SDAD1: variants seen among roughly 807,000 people sequenced by gnomAD.
SDAD1 encodes the protein SDA1 domain containing 1.
A neutral mutation model predicts 100.3 loss-of-function variants in SDAD1; 79 were observed. The observed-to-expected ratio is 0.79, with a 90% CI of 0.66 to 0.95. The LOEUF (loss-of-function observed/expected upper bound fraction) is 0.95, where lower values mean the gene tolerates loss of function less well. SDAD1 is among the 40% of genes least tolerant of loss of function. SDAD1 has a pLI of 0.00. For missense variants in SDAD1, 790 were observed against 810.9 expected, an observed-to-expected ratio of 0.97 and a Z score of 0.31; for synonymous variants, 267 against 271.4, an observed-to-expected ratio of 0.98 and a Z score of 0.16.
At chr4:75,974,406 A>T (rs1317090049) in intron 6 of SDAD1, among the ~76,000 whole-genome samples, 1 of 150,650 alleles carries the variant, frequency 6.6e-6, no homozygotes, top group Non-Finnish European at 1.5e-5. Context: ...CAAGTGCAAA[A>T]AAAAAAAAAA....
intron 1 of SDAD1, among the ~76,000 whole-genome samples, chr4:75,986,919 G>A (rs1459964160): frequency 1.3e-5 from 2 of 152,106 alleles, no homozygotes; most frequent in African/African-American, 4.8e-5. Flanking sequence ...CCTGGAGGCT[G>A]AGGCGGGAGG....
At chr4:75,989,883 A>C (rs61674117) in intron 1 of SDAD1, among the ~76,000 whole-genome samples, 3,236 of 152,254 alleles carry the variant, frequency 0.021, 110 homozygotes, top group African/African-American at 0.072. Flanking sequence ...GGGAGGAGGG[A>C]AGTGAGAAGG....
chr4:75,986,080 G>A (rs1421924074), intron 1 of SDAD1, among the ~76,000 whole-genome samples: 1 of 152,130 alleles, frequency 6.6e-6, no homozygotes, highest in Non-Finnish European at 1.5e-5. Context: ...GCTGAACATG[G>A]TTGGAGAAAA....
At position 75,970,454 on chromosome 4, in the gene SDAD1, C is replaced by T. The variant is rs995197477; in HGVS notation, c.814-76G>A. ...CTTAGAACTTAATGTGCTAATAAGG[C>T]TGTTATAAGTCCATTAGACTCTTTA... On this transcript the variant is annotated intron_variant, in intron 9 of 21. Coordinates refer to ENST00000356260, the MANE Select transcript of SDAD1 (RefSeq NM_018115.4). The T allele has an allele frequency of 4.5e-6, 5 of 1,104,052 alleles. No homozygotes were observed. In the Admixed American group the frequency reaches 5.8e-5, roughly 13 times the overall value. 68.4% of individuals were successfully genotyped at this position (1,104,052 alleles called of 1,614,324 possible). A position where few individuals can be genotyped will look rare whatever the true frequency, so the allele number is the denominator to read the frequency against.
intron 3 of SDAD1, among the ~76,000 whole-genome samples, chr4:75,978,876 C>T (rs534542346): frequency 1.7e-4 from 25 of 147,948 alleles, no homozygotes; most frequent in African/African-American, 5.2e-4. Flanking sequence ...CTACTTGGCA[C>T]GCTGAGGTGG....
Position 75,956,093 on chromosome 4 carries a change from T to C in SDAD1, c.1898A>G (p.Lys633Arg), listed in dbSNP as rs1238305576. ...DRKEFVRKKT[K>R]TNPFSSSTNK... is the part of the protein sequence containing the mutation. ...TGTCGAACTGGAAAATGGATTTGTT[T>C]TGGTTTTCTTCCTCACAAATTCTTT... is the stretch of plus-strand genomic sequence containing the variant. Residue 633 changes from lysine to arginine, a missense_variant, in exon 21 of 22, where the codon AAA (lysine) becomes AGA (arginine). Physicochemically the swap from Lys to Arg is conservative, Grantham distance 26. Coordinates refer to ENST00000356260, the MANE Select transcript of SDAD1 (RefSeq NM_018115.4). The C allele has an allele frequency of 3.1e-6, 5 of 1,611,140 alleles. No homozygotes were observed. Among genetic ancestry groups the C allele is most frequent in the Admixed American group, 3.4e-5 (2 of 59,282 alleles).
chr4:75,962,692 GTCT>G (rs1246366131), intron 14 of SDAD1, among the ~76,000 whole-genome samples: 1 of 152,208 alleles, frequency 6.6e-6, no homozygotes, highest in Non-Finnish European at 1.5e-5. Flanking sequence ...CTACATAAAT[GTCT>G]TCTTTTGAGA....
chr4:75,974,514 CG>C (rs1338860302), intron 6 of SDAD1, among the ~76,000 whole-genome samples: 2 of 151,338 alleles, frequency 1.3e-5, no homozygotes, highest in Non-Finnish European at 2.9e-5. Context: ...CCAAGAGTTC[CG>C]GTCCAGCCTG....
At position 75,981,425 on chromosome 4, in the gene SDAD1, C is replaced by T. The variant is rs766996894; in HGVS notation, c.241G>A (p.Val81Met). Residue 81 changes from valine (V) to methionine (M), a missense_variant, in exon 3 of 22, where the codon GTG becomes ATG. Transcript: ENST00000356260. ...PEYLSNFPQE[V>M]KDLLSCNHTV... The stretch of plus-strand genomic sequence containing the variant: ...TGATTGCAGGAGAGAAGATCTTTCA[C>T]CTCTTGAGGAAAATTACTTAGGTAC... 6.2e-7 allele frequency: 1 copy of T among 1,613,846 alleles called. No homozygotes were observed. Among genetic ancestry groups the T allele is most frequent in the Non-Finnish European group, 8.5e-7 (1 of 1,179,816 alleles).
At position 75,990,719 on chromosome 4, in the gene SDAD1, C is replaced by A. The variant is rs771287333; in HGVS notation, c.90+33G>T. The A allele has an allele frequency of 2.7e-5, 43 of 1,612,898 alleles. No homozygotes were observed. In the Admixed American group the frequency reaches 7.2e-4, roughly 27 times the overall value. ...ACCGGCGTCTCAACCATCCACTATC[C>A]GGCCTCTAGCGTCTGCCGCGCCGCA... On this transcript the variant is annotated intron_variant, in intron 1 of 21. Transcript: ENST00000356260.
chr4:75,957,802 C>T (rs762018433), intron 18 of SDAD1, 45 bp downstream of exon 18: 25 of 1,611,740 alleles, frequency 1.6e-5, no homozygotes, highest in East Asian at 2.2e-5. Context: ...GAATAAATTA[C>T]GTCTTAATAA....
intron 14 of SDAD1, among the ~76,000 whole-genome samples, chr4:75,963,191 C>G (rs533024854): frequency 6.6e-6 from 1 of 152,032 alleles, no homozygotes; most frequent in Non-Finnish European, 1.5e-5. Context: ...TGTCAAAGAA[C>G]AGATGGTTAT....
intron 1 of SDAD1, among the ~76,000 whole-genome samples, chr4:75,989,501 A>G (rs537756914): frequency 3.7e-4 from 57 of 152,344 alleles, no homozygotes; most frequent in African/African-American, 1.3e-3. Flanking sequence ...CACAGTAGTT[A>G]TATGTGATTT....
chr4:75,974,935 G>A (rs1005623564), intron 6 of SDAD1, among the ~76,000 whole-genome samples: 4 of 151,320 alleles, frequency 2.6e-5, no homozygotes, highest in East Asian at 1.9e-4. Flanking sequence ...CCAGCTACTC[G>A]GGAGGCTGAG....
intron 13 of SDAD1, among the ~76,000 whole-genome samples, chr4:75,965,193 A>T (rs972954439): frequency 6.6e-6 from 1 of 152,192 alleles, no homozygotes; most frequent in Non-Finnish European, 1.5e-5. Flanking sequence ...CTCTAGGGAC[A>T]TCTGTCTTTT....
chr4:75,971,484 T>C (rs1439648045), intron 8 of SDAD1, 26 bp from the exon 9 acceptor site: 22 of 1,542,010 alleles, frequency 1.4e-5, no homozygotes, highest in South Asian at 3.4e-5. Flanking sequence ...CTTTGTAAAA[T>C]TGTAAACAAG....
intron 3 of SDAD1, among the ~76,000 whole-genome samples, chr4:75,978,494 C>T (rs1005523097): frequency 2.0e-5 from 3 of 151,846 alleles, no homozygotes; most frequent in African/African-American, 4.8e-5. Context: ...TGAGCTGATG[C>T]GCCTAGCAGC....
chr4:75,976,546 G>A (rs1371175251), intron 4 of SDAD1, among the ~76,000 whole-genome samples: 1 of 152,114 alleles, frequency 6.6e-6, no homozygotes. Flanking sequence ...AAGTAGACTG[G>A]TGATTACCTA....
intron 21 of SDAD1, among the ~76,000 whole-genome samples, chr4:75,952,124 C>T (rs989229584): frequency 5.3e-5 from 8 of 152,192 alleles, no homozygotes; most frequent in Non-Finnish European, 1.2e-4. Context: ...TTCATTTCAA[C>T]TTAATTTGGC....
Sources: gnomAD v4.1 joint callset for allele counts (sites outside exome capture counted in the v4.1 genomes callset) on GRCh38, gnomAD v4.1.1 for gene constraint, MANE v1.5 for transcripts, NCBI Gene and HGNC (gene_info 2026-07-23, HGNC 2026-07-21) for gene names.